FRMPD3: variants seen among roughly 807,000 people sequenced by gnomAD.
The protein encoded by FRMPD3 is FERM and PDZ domain-containing protein 3.
In FRMPD3, 42 loss-of-function variants were observed where a neutral mutation model predicts 97.9. The ratio of observed to expected loss-of-function variants is 0.43; its 90% CI spans 0.34 to 0.55. The LOEUF is 0.55. Among genes scored for constraint, FRMPD3 ranks in the 20% least tolerant of loss-of-function variants. The probability of loss-of-function intolerance (pLI) is 0.03; values close to 1 mark genes in which losing one functional copy is unlikely to be tolerated. For synonymous variants in FRMPD3, 577 were observed against 581.1 expected (o/e 0.99, Z 0.10); for missense variants, 1,303 against 1,457.7 (o/e 0.89, Z 1.73).
chrX:107,494,957 C>T (rs1360073302), intron 1 of FRMPD3, among the ~76,000 whole-genome samples: 1 of 112,184 alleles, frequency 8.9e-6, no homozygotes, highest in African/African-American at 3.2e-5. Flanking sequence ...AACAGGCATG[C>T]ACATTTGCCT....
Position 107,597,782 on chromosome X carries a change from C to G in FRMPD3, c.1903C>G (p.Arg635Gly). ...PRKGGKPGSSRDNIVDLMSLP... is the reference protein window; with the variant it reads ...PRKGGKPGSSGDNIVDLMSLP... ...CAAAGGTGGGAAGCCTGGCTCCTCT[C>G]GTGACAATATAGTAGATTTGATGTC... Residue 635 changes from arginine (R) to glycine (G), a missense_variant, in exon 14 of 15, where the codon CGT becomes GGT. Physicochemically the swap from Arg to Gly is moderately radical, Grantham distance 125 (BLOSUM62 -2). Coordinates refer to ENST00000683843, the MANE Select transcript of FRMPD3 (RefSeq NM_001388459.1). The G allele has an allele frequency of 8.5e-7, 1 of 1,182,988 alleles. No homozygotes were observed. The highest frequency in any genetic ancestry group is 1.1e-6 in the Non-Finnish European group (1 of 881,619).
chrX:107,564,193 T>C (rs1313662050), intron 11 of FRMPD3, among the ~76,000 whole-genome samples: 5 of 112,068 alleles, frequency 4.5e-5, no homozygotes, highest in African/African-American at 1.6e-4. Flanking sequence ...ATTTACATAC[T>C]GGGATTTGCA....
intron 12 of FRMPD3, among the ~76,000 whole-genome samples, chrX:107,567,071 T>C (rs930527865): frequency 8.9e-6 from 1 of 112,141 alleles, no homozygotes; most frequent in African/African-American, 3.2e-5. Flanking sequence ...CTTCAGAAAG[T>C]GTCTTAACCT....
chrX:107,579,059 A>G (rs1923261307), intron 13 of FRMPD3, among the ~76,000 whole-genome samples: 1 of 112,373 alleles, frequency 8.9e-6, no homozygotes, highest in Admixed American at 9.5e-5. Context: ...ATCCCAGAAC[A>G]GAAGCCCCAA....
At chrX:107,509,172 C>T (rs1922105309) in intron 1 of FRMPD3, among the ~76,000 whole-genome samples, 3 of 112,612 alleles carry the variant, frequency 2.7e-5, no homozygotes, top group Non-Finnish European at 5.6e-5. Flanking sequence ...TCTGGCCCTG[C>T]AGCTGGGTTA....
chrX:107,601,598 T>G lies in FRMPD3; in HGVS notation c.3559T>G (p.Ser1187Ala), dbSNP rs958753581. Reference protein sequence around the residue: ...AASRQVSTMPSRKLETTLNGA... With the variant: ...AASRQVSTMPARKLETTLNGA... ...CAGCCGGCAGGTGAGCACCATGCCC[T>G]CTAGGAAGCTTGAAACAACTCTCAA... The change falls in exon 15 of 15, where the codon TCT becomes GCT. Residue 1187 changes from serine (S) to alanine (A), a missense_variant. Physicochemically the swap from Ser to Ala is moderately conservative, Grantham distance 99. Coordinates refer to ENST00000683843, the MANE Select transcript of FRMPD3 (RefSeq NM_001388459.1). 19 of 1,206,936 alleles carry G rather than the reference T, an allele frequency of 1.6e-5. No individual in the cohort carries two copies. Among genetic ancestry groups the G allele is most frequent in the Non-Finnish European group, 2.0e-5 (18 of 894,203 alleles).
intron 5 of FRMPD3, among the ~76,000 whole-genome samples, chrX:107,546,190 G>C (rs1018603670): frequency 1.8e-5 from 2 of 111,932 alleles, no homozygotes; most frequent in Non-Finnish European, 3.8e-5. Flanking sequence ...TGAAGACTCA[G>C]GGAATGAGTG....
In FRMPD3 at chrX:107,603,018, C is replaced by T. The variant is rs1295313319; in HGVS notation, c.4979C>T (p.Thr1660Met). The T allele has an allele frequency of 8.3e-6, 10 of 1,210,007 alleles. No individual in the cohort carries two copies. Among genetic ancestry groups the T allele is most frequent in the Non-Finnish European group, 8.9e-6 (8 of 895,334 alleles). The change falls in exon 15 of 15, where the codon ACG becomes ATG. Residue 1660 changes from threonine to methionine, a missense_variant. By Grantham distance (81) the Thr-to-Met change is moderately conservative. This residue lies in a region of FRMPD3 where 764 missense variants were observed against 820.2 expected (regional missense o/e 0.93). Transcript: ENST00000683843. ...CCAACTCACATGCTGGCAGCCATCA[C>T]GGGCAGCTTCCAGGTGCTGAGCAGC... is the stretch of plus-strand genomic sequence containing the variant. The part of the protein sequence containing the change: ...KSPTHMLAAI[T>M]GSFQVLSSLI...
chrX:107,601,614 C>A lies in FRMPD3; in HGVS notation c.3575C>A (p.Thr1192Lys). The A allele has an allele frequency of 8.3e-7, 1 of 1,210,510 alleles. No individual in the cohort carries two copies. Among genetic ancestry groups the A allele is most frequent in the Non-Finnish European group, 1.1e-6 (1 of 895,225 alleles). ...VSTMPSRKLE[T>K]TLNGAHSTSE... is the part of the protein sequence containing the mutation. ...ACCATGCCCTCTAGGAAGCTTGAAA[C>A]AACTCTCAATGGAGCCCACTCGACC... Residue 1192 changes from threonine (T) to lysine (K), a missense_variant, in exon 15 of 15, where the codon ACA becomes AAA. Coordinates refer to ENST00000683843, the MANE Select transcript of FRMPD3 (RefSeq NM_001388459.1).
At chrX:107,490,385 G>A (rs1921627685) in intron 1 of FRMPD3, among the ~76,000 whole-genome samples, 1 of 112,163 alleles carries the variant, frequency 8.9e-6, no homozygotes, top group Non-Finnish European at 1.9e-5. Flanking sequence ...AAAGTCATTG[G>A]TAGCTTGATG....
At chrX:107,464,795 C>T (rs2060204481) in intron 1 of FRMPD3, among the ~76,000 whole-genome samples, 1 of 111,942 alleles carries the variant, frequency 8.9e-6, no homozygotes, top group African/African-American at 3.2e-5. Context: ...CCACCCTGCT[C>T]AGTTCACCAG....
intron 1 of FRMPD3, among the ~76,000 whole-genome samples, chrX:107,520,732 G>T (rs1023192725): frequency 8.9e-6 from 1 of 112,082 alleles, no homozygotes; most frequent in African/African-American, 3.2e-5. Flanking sequence ...GATTGGCCCT[G>T]GAGTTAGGCA....
At chrX:107,520,658 A>C (rs1421807900) in intron 1 of FRMPD3, among the ~76,000 whole-genome samples, 1 of 111,069 alleles carries the variant, frequency 9.0e-6, no homozygotes, top group Non-Finnish European at 1.9e-5. Flanking sequence ...CAAAAACAAA[A>C]CAACAACAAC....
intron 4 of FRMPD3, among the ~76,000 whole-genome samples, chrX:107,540,109 G>C (rs2147565542): frequency 8.9e-6 from 1 of 111,733 alleles, no homozygotes; most frequent in African/African-American, 3.3e-5. Flanking sequence ...GAGGTGGTTA[G>C]AGAGTCAGGT....
At chrX:107,528,651 T>C (rs950050591) in intron 2 of FRMPD3, among the ~76,000 whole-genome samples, 3 of 112,910 alleles carry the variant, frequency 2.7e-5, no homozygotes, top group African/African-American at 9.6e-5. Flanking sequence ...ATGATGCATA[T>C]GTACTGTTAT....
At chrX:107,530,388 C>G in intron 2 of FRMPD3, 21 bp from the exon 3 acceptor site, 1 of 1,142,666 alleles carries the variant, frequency 8.8e-7, no homozygotes, top group Non-Finnish European at 1.2e-6. Context: ...AGCCCTCACA[C>G]CTCTCTCCTC....
chrX:107,476,956 A>T (rs957601550), intron 1 of FRMPD3, among the ~76,000 whole-genome samples: 1 of 111,865 alleles, frequency 8.9e-6, no homozygotes, highest in African/African-American at 3.3e-5. Context: ...GGCTGGGATT[A>T]CTTCACCTGG....
intron 1 of FRMPD3, among the ~76,000 whole-genome samples, chrX:107,470,893 G>A (rs954961358): frequency 8.9e-5 from 10 of 112,275 alleles, no homozygotes; most frequent in African/African-American, 3.2e-4. Context: ...GTGGGTGGTG[G>A]TACCTGGAAG....
At chrX:107,488,797 A>T (rs1278793727) in intron 1 of FRMPD3, among the ~76,000 whole-genome samples, 1 of 111,240 alleles carries the variant, frequency 9.0e-6, no homozygotes, top group Non-Finnish European at 1.9e-5. Flanking sequence ...ACAAAAAAAC[A>T]CTTTAAGTCC....
Sources: allele counts gnomAD v4.1 joint callset (sites outside exome capture counted in the v4.1 genomes callset), GRCh38; gene constraint gnomAD v4.1.1; regional missense constraint gnomAD v4.1.1; transcripts MANE v1.5; gene names NCBI Gene and HGNC (gene_info 2026-07-23, HGNC 2026-07-21).